The following CTNNA3 variants were observed in gnomAD, a reference collection of about 807,000 sequenced individuals.
The protein encoded by CTNNA3 is catenin alpha 3.
In CTNNA3, 76 loss-of-function variants were observed where a neutral mutation model predicts 95.7. The ratio of observed to expected loss-of-function variants is 0.79; its 90% confidence interval spans 0.66 to 0.96. The LOEUF is 0.96. Among genes scored for constraint, CTNNA3 ranks in the 40% least tolerant of loss-of-function variants. The pLI is 0.00. For synonymous variants in CTNNA3, 431 were observed against 374.4 expected (o/e 1.15, Z -1.74); for missense variants, 1,191 against 1,089.8 (o/e 1.09, Z -1.31).
chr10:67,126,136 A>G (rs552959767), intron 7 of CTNNA3, among the ~76,000 whole-genome samples: 1 of 152,368 alleles, frequency 6.6e-6, no homozygotes, highest in East Asian at 1.9e-4. Flanking sequence ...TTTATTATGT[A>G]TCTTTCATGA....
chr10:66,187,558 G>T (rs999955408), intron 13 of CTNNA3, among the ~76,000 whole-genome samples: 5 of 151,672 alleles, frequency 3.3e-5, no homozygotes, highest in African/African-American at 1.2e-4. Context: ...CAGCCTGACT[G>T]GGAATTGAAG....
chr10:66,351,951 T>A (rs543013930), intron 12 of CTNNA3, among the ~76,000 whole-genome samples: 1 of 152,074 alleles, frequency 6.6e-6, no homozygotes, highest in Admixed American at 6.6e-5. Context: ...CAAACTTTAA[T>A]TTTACTGTCC....
At chr10:66,597,952 C>T (rs192054018) in intron 10 of CTNNA3, among the ~76,000 whole-genome samples, 22 of 151,864 alleles carry the variant, frequency 1.4e-4, no homozygotes, top group Middle Eastern at 3.4e-3. Context: ...ACTATTACAC[C>T]GCTATTAGAC....
At chr10:67,062,273 T>C (rs1430129146) in intron 7 of CTNNA3, among the ~76,000 whole-genome samples, 2 of 152,204 alleles carry the variant, frequency 1.3e-5, no homozygotes, top group African/African-American at 4.8e-5. Flanking sequence ...TTCTTTATTG[T>C]AACTTATAGC....
intron 7 of CTNNA3, among the ~76,000 whole-genome samples, chr10:67,144,436 T>C (rs1860746307): frequency 6.6e-6 from 1 of 152,222 alleles, no homozygotes; most frequent in South Asian, 2.1e-4. Flanking sequence ...AAGTCCTAGA[T>C]GACATCTTCT....
chr10:67,186,556 T>C (rs1862858367), intron 6 of CTNNA3, among the ~76,000 whole-genome samples: 1 of 152,198 alleles, frequency 6.6e-6, no homozygotes, highest in African/African-American at 2.4e-5. Context: ...ACCTTGTCAC[T>C]GAATCAATAA....
intron 14 of CTNNA3, among the ~76,000 whole-genome samples, chr10:66,077,669 G>T (rs543029820): frequency 6.6e-6 from 1 of 151,470 alleles, no homozygotes; most frequent in Non-Finnish European, 1.5e-5. Context: ...TCTCCAAAAA[G>T]AAAAGTTGTT....
intron 13 of CTNNA3, among the ~76,000 whole-genome samples, chr10:66,266,261 G>C (rs1466799871): frequency 6.6e-6 from 1 of 151,712 alleles, no homozygotes; most frequent in African/African-American, 2.4e-5. Flanking sequence ...TGCATCAAAG[G>C]GAGAAACCCA....
intron 5 of CTNNA3, among the ~76,000 whole-genome samples, chr10:67,286,616 G>A (rs1448887006): frequency 6.6e-6 from 1 of 152,076 alleles, no homozygotes; most frequent in Admixed American, 6.6e-5. Flanking sequence ...TATTATTTAA[G>A]CATCTTTCCA....
At chr10:67,264,828 C>G (rs567016177) in intron 5 of CTNNA3, among the ~76,000 whole-genome samples, 1 of 152,252 alleles carries the variant, frequency 6.6e-6, no homozygotes, top group East Asian at 1.9e-4. Context: ...AATTGCTCAA[C>G]AGTTGGATAA....
At chr10:67,094,449 T>TA (rs1294066810) in intron 7 of CTNNA3, among the ~76,000 whole-genome samples, 1 of 151,828 alleles carries the variant, frequency 6.6e-6, no homozygotes, top group Non-Finnish European at 1.5e-5. Context: ...TCTAGTAAAT[T>TA]ATTATTTATA....
At chr10:66,958,980 A>G (rs150230931) in intron 7 of CTNNA3, among the ~76,000 whole-genome samples, 204 of 152,242 alleles carry the variant, frequency 1.3e-3, no homozygotes, top group African/African-American at 4.5e-3. Flanking sequence ...GAGAGTGTAA[A>G]TGAATTATCT....
In CTNNA3 at chr10:66,726,984, G is replaced by C. The variant is rs182594113; in HGVS notation, c.1281+39280C>G. On this transcript the variant is annotated intron_variant, in intron 9 of 17. Coordinates refer to ENST00000433211, the MANE Select transcript of CTNNA3 (RefSeq NM_013266.4). ...ATGTCAACAATAAGGCTGATACAAG[G>C]ATTACCTAAGAGAACATGTTTAAAA... Among the ~76,000 whole-genome samples the C allele has an allele frequency of 1.1e-4, 16 of 152,124 alleles. No individual in the cohort carries two copies. In the South Asian group the frequency reaches 2.7e-3, roughly 26 times the overall value.
At chr10:66,131,771 C>T (rs569651329) in intron 13 of CTNNA3, among the ~76,000 whole-genome samples, 36 of 152,090 alleles carry the variant, frequency 2.4e-4, no homozygotes, top group African/African-American at 6.7e-4. Flanking sequence ...ATCTGATCTT[C>T]GACAAAGTTG....
intron 7 of CTNNA3, among the ~76,000 whole-genome samples, chr10:66,869,468 G>A (rs1844310431): frequency 1.3e-5 from 2 of 152,098 alleles, no homozygotes. Flanking sequence ...AGCTACTCAG[G>A]AGGCTGAGAC....
intron 5 of CTNNA3, among the ~76,000 whole-genome samples, chr10:67,290,806 G>A (rs532528956): frequency 1.3e-5 from 2 of 152,214 alleles, no homozygotes; most frequent in Admixed American, 1.3e-4. Context: ...TATCAATTAA[G>A]CACTCTGATA....
chr10:67,096,180 C>A (rs976272385), intron 7 of CTNNA3, among the ~76,000 whole-genome samples: 1 of 151,644 alleles, frequency 6.6e-6, no homozygotes, highest in African/African-American at 2.4e-5. Flanking sequence ...AGCAAATAAT[C>A]TTAAAAGAAG....
At chr10:66,757,893 C>T (rs977202799) in intron 9 of CTNNA3, among the ~76,000 whole-genome samples, 5 of 152,014 alleles carry the variant, frequency 3.3e-5, no homozygotes, top group Admixed American at 3.3e-4. Context: ...GCTAGGGTTT[C>T]CTTATCAGCA....
intron 11 of CTNNA3, among the ~76,000 whole-genome samples, chr10:66,455,397 C>T (rs1911318): frequency 0.11 from 17,354 of 152,112 alleles, 1,398 homozygotes; most frequent in African/African-American, 0.23. Flanking sequence ...CAATGGAGTG[C>T]AGCAAGGTTA....
Sources: allele counts gnomAD v4.1 joint callset (sites outside exome capture counted in the v4.1 genomes callset), GRCh38; gene constraint gnomAD v4.1.1; transcripts MANE v1.5; gene names NCBI Gene and HGNC (gene_info 2026-07-23, HGNC 2026-07-21).